RSPO2: variants seen among roughly 807,000 people sequenced by gnomAD.
RSPO2 encodes R-spondin 2, also known as R-spondin-2.
A neutral mutation model predicts 30.9 loss-of-function variants in RSPO2; 14 were observed. The ratio of observed to expected loss-of-function variants is 0.45; its 90% CI spans 0.30 to 0.71. The LOEUF (loss-of-function observed/expected upper bound fraction) is 0.71, where lower values mean the gene tolerates loss of function less well. Among genes scored for constraint, RSPO2 ranks in the 30% least tolerant of loss-of-function variants. RSPO2 has a pLI of 0.08. For missense variants in RSPO2, 264 were observed against 301.9 expected (o/e 0.87, Z 0.93); for synonymous variants, 107 against 96.4 (o/e 1.11, Z -0.64).
At chr8:108,048,632 C>T (rs550275377) in intron 2 of RSPO2, among the ~76,000 whole-genome samples, 2 of 152,202 alleles carry the variant, frequency 1.3e-5, no homozygotes, top group East Asian at 1.9e-4. Flanking sequence ...CCTGGATTCA[C>T]TGATTTTTTG....
intron 3 of RSPO2, among the ~76,000 whole-genome samples, chr8:107,975,592 T>C (rs1200133810): frequency 6.6e-6 from 1 of 152,210 alleles, no homozygotes; most frequent in African/African-American, 2.4e-5. Context: ...GAGCAACTAA[T>C]ATAGTGAGCC....
intron 2 of RSPO2, among the ~76,000 whole-genome samples, chr8:108,034,924 AC>A (rs539962219): frequency 3.3e-5 from 5 of 152,366 alleles, no homozygotes; most frequent in African/African-American, 1.2e-4. Context: ...GAGCAATATT[AC>A]CAACTGTTTT....
chr8:107,902,057 C>T (rs375342917), intron 5 of RSPO2, among the ~76,000 whole-genome samples: 1 of 152,124 alleles, frequency 6.6e-6, no homozygotes, highest in South Asian at 2.1e-4. Flanking sequence ...CCTTTGTACA[C>T]ATAAGATTTT....
chr8:107,935,965 A>G (rs1012535280), intron 5 of RSPO2, among the ~76,000 whole-genome samples: 12 of 152,038 alleles, frequency 7.9e-5, no homozygotes, highest in African/African-American at 2.9e-4. Context: ...TAACACTTCA[A>G]CCCTCTCTTC....
chr8:107,964,597 G>A (rs1009886125), intron 3 of RSPO2, among the ~76,000 whole-genome samples: 1 of 152,082 alleles, frequency 6.6e-6, no homozygotes, highest in Non-Finnish European at 1.5e-5. Context: ...CCTACTTGAT[G>A]TGCTTCACAG....
chr8:107,912,650 G>C (rs1348789511), intron 5 of RSPO2, among the ~76,000 whole-genome samples: 3 of 152,176 alleles, frequency 2.0e-5, no homozygotes, highest in Non-Finnish European at 4.4e-5. Context: ...AAATTCTAAA[G>C]AGACTAAGAA....
chr8:107,941,449 T>C (rs1297394119), intron 5 of RSPO2, among the ~76,000 whole-genome samples: 1 of 152,190 alleles, frequency 6.6e-6, no homozygotes, highest in Non-Finnish European at 1.5e-5. Context: ...ACGTTATTTA[T>C]GTAAAGGCAA....
intron 5 of RSPO2, among the ~76,000 whole-genome samples, chr8:107,927,266 A>T (rs1157174835): frequency 1.3e-5 from 2 of 152,208 alleles, no homozygotes; most frequent in East Asian, 3.8e-4. Context: ...GACTTTGCTG[A>T]AGTTGCTTAT....
intron 2 of RSPO2, among the ~76,000 whole-genome samples, chr8:108,044,229 G>A (rs1432443181): frequency 6.6e-6 from 1 of 151,952 alleles, no homozygotes; most frequent in African/African-American, 2.4e-5. Flanking sequence ...CTGGGGAGAG[G>A]TTTTGTGTTT....
chr8:107,968,341 C>G (rs923833491), intron 3 of RSPO2, among the ~76,000 whole-genome samples: 1 of 152,008 alleles, frequency 6.6e-6, no homozygotes, highest in Non-Finnish European at 1.5e-5. Flanking sequence ...TGAAATAAGC[C>G]AGGCACAGAA....
intron 2 of RSPO2, among the ~76,000 whole-genome samples, chr8:107,997,797 A>C (rs987350685): frequency 1.3e-5 from 2 of 152,244 alleles, no homozygotes; most frequent in Non-Finnish European, 2.9e-5. Context: ...CTGGTATTCT[A>C]AAGTCTGGCC....
chr8:108,050,468 A>G (rs920413326), intron 2 of RSPO2, among the ~76,000 whole-genome samples: 4 of 152,198 alleles, frequency 2.6e-5, no homozygotes, highest in African/African-American at 9.6e-5. Context: ...AGATTGATAA[A>G]GTAAATATGG....
rs535531669 is a variant in RSPO2, at chr8:108,006,725, G to A, written c.95-17481C>T. ...AAAAAGATTGTAGGACACCGGGATT[G>A]TAAACACTGTATAAACACCTTACCT... is the stretch of plus-strand genomic sequence containing the variant. On this transcript the variant is annotated intron_variant, in intron 2 of 5. Transcript: ENST00000276659. Among the ~76,000 whole-genome samples, 13 of 152,280 alleles carry A rather than the reference G, an allele frequency of 8.5e-5. No individual in the cohort carries two copies. In the South Asian group the frequency reaches 2.7e-3, roughly 32 times the overall value.
rs1281120545 is a variant in RSPO2, at chr8:107,899,650, G to T, written c.*1425C>A. Reference sequence around the variant, plus strand: ...GGTGAAAAAAAAAAGGCTTTACCTTGCTTTGTTTCAAAATCCACAACCATT... The same window carrying T: ...GGTGAAAAAAAAAAGGCTTTACCTTTCTTTGTTTCAAAATCCACAACCATT... On this transcript the variant is annotated 3_prime_UTR_variant, in exon 6 of 6. Transcript: ENST00000276659. 1 of 152,270 alleles carries T rather than the reference G, an allele frequency of 6.6e-6. No individual in the cohort carries two copies. The highest frequency in any genetic ancestry group is 1.5e-5 in the Non-Finnish European group (1 of 67,956). 9.4% of individuals were successfully genotyped at this position (152,270 alleles called of 1,614,324 possible). A position where few individuals can be genotyped will look rare whatever the true frequency, so the allele number is the denominator to read the frequency against.
intron 2 of RSPO2, among the ~76,000 whole-genome samples, chr8:108,016,346 C>T (rs1199331494): frequency 6.6e-6 from 1 of 152,152 alleles, no homozygotes; most frequent in Non-Finnish European, 1.5e-5. Context: ...CAAGATTATG[C>T]TGATGGGAAA....
At chr8:108,003,296 T>TAG (rs1815324404) in intron 2 of RSPO2, among the ~76,000 whole-genome samples, 1 of 23,830 alleles carries the variant, frequency 4.2e-5, no homozygotes, top group Non-Finnish European at 8.0e-5. Flanking sequence ...TATATATATA[T>TAG]ATATATATAT....
At chr8:108,029,501 C>A (rs946263402) in intron 2 of RSPO2, among the ~76,000 whole-genome samples, 1 of 152,150 alleles carries the variant, frequency 6.6e-6, no homozygotes, top group African/African-American at 2.4e-5. Flanking sequence ...GTGCTCTACT[C>A]ATATATTCCA....
intron 3 of RSPO2, among the ~76,000 whole-genome samples, chr8:107,970,525 G>A (rs1489377683): frequency 6.6e-6 from 1 of 152,158 alleles, no homozygotes; most frequent in East Asian, 1.9e-4. Context: ...GGGAGGCATA[G>A]TGATGTCTTC....
At chr8:108,075,772 G>T (rs1369298490) in intron 2 of RSPO2, among the ~76,000 whole-genome samples, 1 of 151,224 alleles carries the variant, frequency 6.6e-6, no homozygotes, top group Admixed American at 6.6e-5. Flanking sequence ...TATGTGCAAA[G>T]AACTTCAATT....
Sources: gnomAD v4.1 joint callset for allele counts (sites outside exome capture counted in the v4.1 genomes callset) on GRCh38, gnomAD v4.1.1 for gene constraint, MANE v1.5 for transcripts, NCBI Gene and HGNC (gene_info 2026-07-23, HGNC 2026-07-21) for gene names.